The following AKTIP variants were observed in gnomAD, a reference collection of about 807,000 sequenced individuals.
AKTIP encodes AKT interacting protein.
Under a neutral mutation model 39.1 loss-of-function variants are expected in AKTIP, and 16 were observed. The ratio of observed to expected loss-of-function variants is 0.41; its 90% CI spans 0.28 to 0.62. The LOEUF is 0.62. Ranked by LOEUF, AKTIP falls within the 20% of genes least tolerant of loss-of-function variation. The pLI, the probability that AKTIP is intolerant of heterozygous loss-of-function variation, is 0.32. For synonymous variants in AKTIP, 93 were observed against 124.3 expected (o/e 0.75, Z 1.67); for missense variants, 262 against 356.6 (o/e 0.73, Z 2.14).
At chr16:53,494,873 T>G in intron 5 of AKTIP, 200 bp downstream of exon 5, 2 of 733,362 alleles carry the variant, frequency 2.7e-6, no homozygotes, top group Non-Finnish European at 4.9e-6. Context: ...GCAGCCAGCC[T>G]CCCTTGCAGA....
At chr16:53,499,563 C>T (rs1306510492) in intron 2 of AKTIP, among the ~76,000 whole-genome samples, 1 of 151,700 alleles carries the variant, frequency 6.6e-6, no homozygotes, top group Non-Finnish European at 1.5e-5. Context: ...GGGTTGACGC[C>T]ATTCTCCTGC....
At chr16:53,502,131 T>C (rs1327905957) in intron 1 of AKTIP, among the ~76,000 whole-genome samples, 1 of 152,234 alleles carries the variant, frequency 6.6e-6, no homozygotes, top group Non-Finnish European at 1.5e-5. Flanking sequence ...AAGAATCCAG[T>C]AAATTTTGTC....
chr16:53,494,381 T>C lies in AKTIP; in HGVS notation c.560A>G (p.Lys187Arg). 1 of 1,614,238 alleles carries C rather than the reference T, an allele frequency of 6.2e-7. No individual in the cohort carries two copies. Among genetic ancestry groups the C allele is most frequent in the Non-Finnish European group, 8.5e-7 (1 of 1,180,048 alleles). ...GTTCAGGGGGCTTGCTGTATCAATCTTGTAGAAAACTCTCCTTGCATACAT... is the reference window on the plus strand; with the variant it reads ...GTTCAGGGGGCTTGCTGTATCAATCCTGTAGAAAACTCTCCTTGCATACAT... The part of the protein sequence containing the change: ...VLMYARRVFY[K>R]IDTASPLNPE... Residue 187 changes from lysine (K) to arginine (R), a missense_variant, in exon 7 of 10, where the codon AAG (lysine) becomes AGG (arginine). Transcript: ENST00000394657.
rs766375002 is a variant in AKTIP, at chr16:53,495,252, C to T, written c.313+10G>A. On this transcript the variant is annotated intron_variant, in intron 4 of 9. Transcript: ENST00000394657. ...TGTGCCCATAAATTAAGAGTGAATC[C>T]TCATCTTACTTAATGCAGAGCGATA... The T allele has an allele frequency of 5.6e-6, 9 of 1,613,972 alleles. No individual in the cohort carries two copies. The highest frequency in any genetic ancestry group is 7.6e-6 in the Non-Finnish European group (9 of 1,179,968).
chr16:53,494,674 G>T, intron 5 of AKTIP, 69 bp from the exon 6 acceptor site: 1 of 1,442,734 alleles, frequency 6.9e-7, no homozygotes, highest in East Asian at 2.4e-5. Flanking sequence ...CATAGGAATC[G>T]TGATAAAAAG....
intron 3 of AKTIP, among the ~76,000 whole-genome samples, chr16:53,496,308 G>T (rs1221876930): frequency 6.6e-6 from 1 of 152,054 alleles, no homozygotes; most frequent in Non-Finnish European, 1.5e-5. Flanking sequence ...TTCTAATACA[G>T]ATTTAATCAC....
Position 53,492,673 on chromosome 16 carries a change from A to G in AKTIP, c.771+20T>C, listed in dbSNP as rs1160034254. On this transcript the variant is annotated intron_variant, in intron 9 of 9. Coordinates refer to ENST00000394657, the MANE Select transcript of AKTIP (RefSeq NM_022476.4). Reference sequence around the variant, plus strand: ...AAAGAAACAATGAGTTAGCCATTTCATAAGTTGTTATCCACTTACTTTCTG... The same window carrying G: ...AAAGAAACAATGAGTTAGCCATTTCGTAAGTTGTTATCCACTTACTTTCTG... The G allele has an allele frequency of 4.3e-6, 7 of 1,612,772 alleles. No individual in the cohort carries two copies. Among genetic ancestry groups the G allele is most frequent in the East Asian group, 2.2e-5 (1 of 44,874 alleles).
intron 1 of AKTIP, 52 bp from the exon 2 acceptor site, chr16:53,500,381 C>CT (rs377620568): frequency 0.054 from 51,165 of 942,994 alleles, no homozygotes; most frequent in Non-Finnish European, 0.059. Flanking sequence ...ACCATTAAGA[C>CT]TTTTTTTTTT....
chr16:53,495,599 A>G (rs534874685), intron 3 of AKTIP, among the ~76,000 whole-genome samples: 13 of 152,338 alleles, frequency 8.5e-5, no homozygotes, highest in African/African-American at 2.9e-4. Context: ...CCAAACAGGA[A>G]TAAATGAAGA....
Position 53,494,431 on chromosome 16 carries a change from G to A in AKTIP, c.510C>T (p.Asn170=), listed in dbSNP as rs767177953. ...VKRAFAKWRR[N]HNHIWQVLMY... is the part of the protein sequence containing the mutation. The stretch of plus-strand genomic sequence containing the variant: ...TTAATACCTGCCAAATATGATTATG[G>A]TTCCGCCTAAAGGGAAACATGGCGT... Residue 170 remains asparagine (N), a synonymous_variant, in exon 7 of 10, where the codon AAC becomes AAT. Coordinates refer to ENST00000394657, the MANE Select transcript of AKTIP (RefSeq NM_022476.4). The A allele has an allele frequency of 1.9e-6, 3 of 1,614,036 alleles. No homozygotes were observed. In the East Asian group the frequency reaches 6.7e-5, roughly 36 times the overall value.
At chr16:53,502,151 G>A in intron 1 of AKTIP, among the ~76,000 whole-genome samples, 1 of 152,186 alleles carries the variant, frequency 6.6e-6, no homozygotes, top group East Asian at 1.9e-4. Flanking sequence ...CCCCAGTTCT[G>A]CCTGTCATTA....
At position 53,491,622 on chromosome 16, in the gene AKTIP, A is replaced by G. The variant is rs904641979; in HGVS notation, c.*790T>C. Reference sequence around the variant, plus strand: ...TGTAATTTTATATGAAGATAAGTGTATTTTTCAATAAAGCATTTATAAATT... The same window carrying G: ...TGTAATTTTATATGAAGATAAGTGTGTTTTTCAATAAAGCATTTATAAATT... On this transcript the variant is annotated 3_prime_UTR_variant, in exon 10 of 10. Transcript: ENST00000394657. 23 of 152,622 alleles carry G rather than the reference A, an allele frequency of 1.5e-4. No homozygotes were observed. Among genetic ancestry groups the G allele is most frequent in the African/African-American group, 5.1e-4 (21 of 41,444 alleles). 9.5% of individuals were successfully genotyped at this position (152,622 alleles called of 1,614,324 possible).
intron 5 of AKTIP, 125 bp from the exon 6 acceptor site, chr16:53,494,730 C>G (rs1961721439): frequency 1.1e-6 from 1 of 920,146 alleles, no homozygotes; most frequent in Non-Finnish European, 1.7e-6. Context: ...AAAGAGCTGC[C>G]TCAAGAGGGC....
Position 53,495,078 on chromosome 16 carries a change from A to G in AKTIP, c.409T>C (p.Cys137Arg). 6.2e-7 allele frequency: 1 copy of G among 1,613,596 alleles called. No homozygotes were observed. Among genetic ancestry groups the G allele is most frequent in the Non-Finnish European group, 8.5e-7 (1 of 1,179,440 alleles). ...YIPDNYPDGD[C>R]PRLVFDIPVF... The stretch of plus-strand genomic sequence containing the variant: ...AGACTGTGTCTCCAACTTACTGGAC[A>G]GTCACCATCTGGATAGTTATCAGGG... The change falls in exon 5 of 10, where the codon TGT becomes CGT. Residue 137 changes from cysteine to arginine, a missense_variant. By Grantham distance (180) the Cys-to-Arg change is radical (BLOSUM62 -3). This residue lies in a region of AKTIP where 25 missense variants were observed against 38.4 expected (regional missense o/e 0.65). Transcript: ENST00000394657.
chr16:53,497,097 C>T (rs1961885607), intron 3 of AKTIP, among the ~76,000 whole-genome samples: 1 of 152,096 alleles, frequency 6.6e-6, no homozygotes, highest in African/African-American at 2.4e-5. Flanking sequence ...GTGCCTGGCT[C>T]AAGGATGCTT....
intron 8 of AKTIP, 154 bp from the exon 9 acceptor site, chr16:53,492,907 T>G: frequency 1.5e-6 from 1 of 647,078 alleles, no homozygotes. Context: ...ATCTAATTAA[T>G]TTTCTCACAT....
At chr16:53,501,085 T>C (rs1212491270) in intron 1 of AKTIP, 1 of 152,206 alleles carries the variant, frequency 6.6e-6, no homozygotes, top group Non-Finnish European at 1.5e-5. Context: ...GGAGGCTGAT[T>C]TAAGCGCTGC....
chr16:53,504,088 C>CT (rs766022873), upstream of AKTIP, among the ~76,000 whole-genome samples: 765 of 133,786 alleles, frequency 5.7e-3, 1 homozygote, highest in East Asian at 9.4e-3. Context: ...AGTTCCTGGT[C>CT]TTTTTTTTTT....
upstream of AKTIP, among the ~76,000 whole-genome samples, chr16:53,503,460 C>G (rs2150879985): frequency 6.6e-6 from 1 of 152,356 alleles, no homozygotes; most frequent in South Asian, 2.1e-4. Flanking sequence ...CTGCACTTGA[C>G]CCTCCCCTTA....
Sources: gnomAD v4.1 joint callset for allele counts (sites outside exome capture counted in the v4.1 genomes callset) on GRCh38, gnomAD v4.1.1 for gene constraint, gnomAD v4.1.1 regional missense constraint, MANE v1.5 for transcripts, NCBI Gene and HGNC (gene_info 2026-07-23, HGNC 2026-07-21) for gene names.